Variants in CBX7 observed in about 807,000 individuals in gnomAD.
CBX7 encodes the protein chromobox protein homolog 7.
CBX7 carries 14 observed loss-of-function variants against 31.4 expected under a neutral mutation model. The ratio of observed to expected loss-of-function variants is 0.45; its 90% CI spans 0.29 to 0.70. The LOEUF (loss-of-function observed/expected upper bound fraction) is 0.70, where lower values mean the gene tolerates loss of function less well. CBX7 is among the 30% of genes least tolerant of loss of function. The pLI, the probability that CBX7 is intolerant of heterozygous loss-of-function variation, is 0.11. For synonymous variants in CBX7, 159 were observed against 152.6 expected (o/e 1.04, Z -0.31); for missense variants, 269 against 351.9 (o/e 0.76, Z 1.89).
At chr22:39,141,122 G>A in intron 3 of CBX7, 1 of 479,978 alleles carries the variant, frequency 2.1e-6, no homozygotes, top group South Asian at 2.2e-5. Flanking sequence ...CCATTTGACA[G>A]CAGAGAGACT....
intron 2 of CBX7, among the ~76,000 whole-genome samples, chr22:39,145,214 G>A (rs1385634937): frequency 1.3e-5 from 2 of 152,204 alleles, no homozygotes; most frequent in Admixed American, 6.5e-5. Context: ...GCAGCCCCAA[G>A]TGGGGGGCAG....
intron 2 of CBX7, among the ~76,000 whole-genome samples, chr22:39,142,017 G>C (rs965245419): frequency 2.0e-5 from 3 of 152,174 alleles, no homozygotes; most frequent in African/African-American, 7.2e-5. Context: ...GCCAGGAGGA[G>C]AGAGGGCGCC....
intron 2 of CBX7, chr22:39,147,210 C>A (rs1930693791): frequency 7.0e-6 from 1 of 142,490 alleles, no homozygotes; most frequent in African/African-American, 2.6e-5. Flanking sequence ...ATTACAGGCG[C>A]ACATCACCAT....
chr22:39,134,833 C>T (rs1474537754), intron 4 of CBX7, 81 bp from the exon 5 acceptor site: 5 of 905,606 alleles, frequency 5.5e-6, no homozygotes, highest in East Asian at 2.7e-5. Context: ...TCCTCCCACC[C>T]GGAATGCCCT....
At chr22:39,149,164 G>A (rs1173616585) in intron 2 of CBX7, 2 of 152,410 alleles carry the variant, frequency 1.3e-5, no homozygotes, top group African/African-American at 4.8e-5. Flanking sequence ...GGGAGGCTGG[G>A]AAGGCACAGA....
chr22:39,132,603 G>A lies in CBX7; in HGVS notation c.*1288C>T, dbSNP rs1930085831. On this transcript the variant is annotated 3_prime_UTR_variant, in exon 6 of 6. Transcript: ENST00000216133. Reference sequence around the variant, plus strand: ...CATCACACAGCACAGCCTGACCTCAGAGAGGCACGGCAGAGGTCCCTCCAC... The same window carrying A: ...CATCACACAGCACAGCCTGACCTCAAAGAGGCACGGCAGAGGTCCCTCCAC... 1 of 152,650 alleles carries A rather than the reference G, an allele frequency of 6.6e-6. No individual in the cohort carries two copies. The highest frequency in any genetic ancestry group is 2.1e-4 in the South Asian group (1 of 4,836). 9.5% of individuals were successfully genotyped at this position (152,650 alleles called of 1,614,324 possible). A position where few individuals can be genotyped will look rare whatever the true frequency, so the allele number is the denominator to read the frequency against.
At chr22:39,137,851 G>T (rs967577293) in intron 4 of CBX7, among the ~76,000 whole-genome samples, 1 of 152,104 alleles carries the variant, frequency 6.6e-6, no homozygotes, top group Non-Finnish European at 1.5e-5. Context: ...CACTTCTAGG[G>T]GTCTGACATT....
chr22:39,145,449 C>A (rs921969300), intron 2 of CBX7, among the ~76,000 whole-genome samples: 1 of 152,136 alleles, frequency 6.6e-6, no homozygotes, highest in African/African-American at 2.4e-5. Context: ...TGGAGGAAAG[C>A]GGGCTCCCGC....
intron 2 of CBX7, among the ~76,000 whole-genome samples, chr22:39,141,843 AC>A (rs1292956235): frequency 2.0e-5 from 3 of 151,750 alleles, no homozygotes; most frequent in Admixed American, 2.0e-4. Flanking sequence ...GTGTGCCTTC[AC>A]CCTGTCCTGG....
intron 1 of CBX7, among the ~76,000 whole-genome samples, chr22:39,151,003 C>T (rs900334171): frequency 2.0e-5 from 3 of 152,160 alleles, no homozygotes; most frequent in African/African-American, 7.2e-5. Flanking sequence ...ATGCCAGCTC[C>T]CTGAGGGAAG....
intron 1 of CBX7, among the ~76,000 whole-genome samples, chr22:39,151,946 G>T (rs753484016): frequency 1.3e-5 from 2 of 152,118 alleles, no homozygotes; most frequent in Non-Finnish European, 2.9e-5. Flanking sequence ...AGAGGCCGGA[G>T]GAGACTTTTC....
Position 39,134,042 on chromosome 22 carries a change from G to A in CBX7, c.605C>T (p.Ala202Val), listed in dbSNP as rs748014481. 10 of 1,598,416 alleles carry A rather than the reference G, an allele frequency of 6.3e-6. No homozygotes were observed. The East Asian group carries it at 2.3e-4, about 36-fold the overall frequency. Residue 202 changes from alanine (A) to valine (V), a missense_variant, in exon 6 of 6, where the codon GCC (alanine) becomes GTC (valine). Transcript: ENST00000216133. ...AAQPPEEEADADLAEGPPPWT... is the reference protein window; with the variant it reads ...AAQPPEEEADVDLAEGPPPWT... ...GGGAGGGGGCCCCTCGGCCAGGTCG[G>A]CATCTGCTGCAGCGTCAGACACACA...
At chr22:39,145,857 CGCCCTGCT>C (rs1930642232) in intron 2 of CBX7, among the ~76,000 whole-genome samples, 1 of 151,826 alleles carries the variant, frequency 6.6e-6, no homozygotes, top group Non-Finnish European at 1.5e-5. Flanking sequence ...GCGCAGGGCT[CGCCCTGCT>C]GCGGTGAGGG....
chr22:39,138,559 T>C (rs535711375), intron 4 of CBX7, 77 bp downstream of exon 4: 26 of 1,349,098 alleles, frequency 1.9e-5, no homozygotes, highest in Middle Eastern at 3.7e-4. Context: ...AATCAGCCAG[T>C]GCAAATGCAC....
intron 1 of CBX7, among the ~76,000 whole-genome samples, chr22:39,150,509 C>T (rs1162106299): frequency 6.6e-6 from 1 of 152,182 alleles, no homozygotes; most frequent in Non-Finnish European, 1.5e-5. Flanking sequence ...TGGCTCAAGC[C>T]TGTCATCCCA....
At chr22:39,136,921 G>A (rs1217773326) in intron 4 of CBX7, among the ~76,000 whole-genome samples, 1 of 152,176 alleles carries the variant, frequency 6.6e-6, no homozygotes, top group Non-Finnish European at 1.5e-5. Context: ...ATGAAGGGAG[G>A]CCCACCCCCT....
At chr22:39,145,791 C>T (rs1357035782) in intron 2 of CBX7, among the ~76,000 whole-genome samples, 1 of 151,598 alleles carries the variant, frequency 6.6e-6, no homozygotes, top group African/African-American at 2.4e-5. Flanking sequence ...CGTGACCTCC[C>T]CGCCCCGCCC....
At chr22:39,134,801 G>T in intron 4 of CBX7, 49 bp from the exon 5 acceptor site, 1 of 895,082 alleles carries the variant, frequency 1.1e-6, no homozygotes, top group East Asian at 5.1e-5. Flanking sequence ...CCTCCCACCC[G>T]CCACACCTTT....
chr22:39,143,325 AC>A (rs1346523920), intron 2 of CBX7, among the ~76,000 whole-genome samples: 1 of 151,974 alleles, frequency 6.6e-6, no homozygotes, highest in Non-Finnish European at 1.5e-5. Flanking sequence ...AATAAATTAA[AC>A]TTTTTTAAAT....
Sources: allele counts gnomAD v4.1 joint callset (sites outside exome capture counted in the v4.1 genomes callset), GRCh38; gene constraint gnomAD v4.1.1; transcripts MANE v1.5; gene names NCBI Gene and HGNC (gene_info 2026-07-23, HGNC 2026-07-21).